The following PEX5L variants were observed in gnomAD, a reference collection of about 807,000 sequenced individuals.
PEX5L encodes PEX5-related protein.
In PEX5L, 30 loss-of-function variants were observed where a neutral mutation model predicts 84.0. The observed-to-expected ratio is 0.36, with a 90% CI of 0.27 to 0.48. The LOEUF is 0.48. Among genes scored for constraint, PEX5L ranks in the 20% least tolerant of loss-of-function variants. The probability of loss-of-function intolerance (pLI) is 0.99; values close to 1 mark genes in which losing one functional copy is unlikely to be tolerated. For synonymous variants in PEX5L, 270 were observed against 283.1 expected, an observed-to-expected ratio of 0.95 and a Z score of 0.46; for missense variants, 533 against 754.6, an observed-to-expected ratio of 0.71 and a Z score of 3.44.
chr3:179,971,786 T>C (rs765823109), intron 1 of PEX5L, 121 bp from the exon 2 acceptor site: 13 of 961,862 alleles, frequency 1.4e-5, no homozygotes, highest in Non-Finnish European at 1.7e-5. Flanking sequence ...GCATCATTCT[T>C]TATATAAATT....
chr3:179,846,599 A>G (rs899968722), intron 8 of PEX5L, among the ~76,000 whole-genome samples: 7 of 152,182 alleles, frequency 4.6e-5, no homozygotes, highest in Admixed American at 3.9e-4. Flanking sequence ...GGTATTTCTG[A>G]ATGAGCCTAG....
intron 8 of PEX5L, among the ~76,000 whole-genome samples, chr3:179,850,114 T>C (rs1324037098): frequency 6.6e-6 from 1 of 152,040 alleles, no homozygotes; most frequent in Non-Finnish European, 1.5e-5. Context: ...TCTAAGACTA[T>C]CTTGCCTTAT....
At chr3:179,868,732 A>G (rs1749246765) in intron 7 of PEX5L, among the ~76,000 whole-genome samples, 1 of 152,088 alleles carries the variant, frequency 6.6e-6, no homozygotes, top group Non-Finnish European at 1.5e-5. Context: ...CAGAGGCTTC[A>G]TCTATATGAT....
At chr3:180,034,475 T>C (rs1450288261) in intron 1 of PEX5L, among the ~76,000 whole-genome samples, 1 of 152,138 alleles carries the variant, frequency 6.6e-6, no homozygotes, top group Admixed American at 6.5e-5. Context: ...ATTTTGTCCA[T>C]AGGCTAAATA....
chr3:179,865,603 A>G (rs1486613617), intron 7 of PEX5L, among the ~76,000 whole-genome samples: 1 of 151,828 alleles, frequency 6.6e-6, no homozygotes, highest in Non-Finnish European at 1.5e-5. Flanking sequence ...TATATTGCTT[A>G]GTACTTACAT....
chr3:179,992,824 A>C (rs554912382), intron 1 of PEX5L, among the ~76,000 whole-genome samples: 2 of 152,184 alleles, frequency 1.3e-5, no homozygotes, highest in Non-Finnish European at 2.9e-5. Flanking sequence ...TTTATGAAGA[A>C]GACTTCATAA....
intron 8 of PEX5L, among the ~76,000 whole-genome samples, chr3:179,851,307 GTCTT>G (rs1462532705): frequency 1.3e-5 from 2 of 152,138 alleles, no homozygotes; most frequent in Non-Finnish European, 2.9e-5. Flanking sequence ...TGAGGGCCTG[GTCTT>G]CATTGAAACT....
chr3:179,956,903 T>C (rs368502266), intron 2 of PEX5L, among the ~76,000 whole-genome samples: 1 of 13,198 alleles, frequency 7.6e-5, no homozygotes, highest in Non-Finnish European at 1.2e-4. Flanking sequence ...ATGTACATGA[T>C]TTTTTTTTGC....
intron 2 of PEX5L, among the ~76,000 whole-genome samples, chr3:179,906,024 T>C (rs1763083581): frequency 6.6e-6 from 1 of 152,210 alleles, no homozygotes; most frequent in Non-Finnish European, 1.5e-5. Context: ...AATTAGACTT[T>C]TAAGGAAATA....
rs554331243 is a variant in PEX5L at position 179,800,468 on chromosome 3, G to A, written c.*1360C>T. 2 of 152,316 alleles carry A rather than the reference G, an allele frequency of 1.3e-5. No homozygotes were observed. Among genetic ancestry groups the A allele is most frequent in the East Asian group, 3.9e-4 (2 of 5,186 alleles). 9.4% of individuals were successfully genotyped at this position (152,316 alleles called of 1,614,324 possible). On this transcript the variant is annotated 3_prime_UTR_variant, in exon 15 of 15. Transcript: ENST00000467460. ...TTCTGATTAGCATTTTGCAAAAAAT[G>A]TTCCTAATTCTTTAAAAAATGTATC...
At chr3:180,011,062 G>A (rs1207668244) in intron 1 of PEX5L, among the ~76,000 whole-genome samples, 2 of 152,102 alleles carry the variant, frequency 1.3e-5, no homozygotes, top group South Asian at 2.1e-4. Context: ...CCCAGATAGC[G>A]AAAGTCTACC....
At chr3:179,912,671 T>G (rs1202812765) in intron 2 of PEX5L, among the ~76,000 whole-genome samples, 1 of 152,106 alleles carries the variant, frequency 6.6e-6, no homozygotes, top group Admixed American at 6.6e-5. Context: ...TTAGAATTGG[T>G]CGAATCTCCA....
chr3:179,995,025 ATACT>A (rs1453411072), intron 1 of PEX5L, among the ~76,000 whole-genome samples: 1 of 150,094 alleles, frequency 6.7e-6, no homozygotes, highest in East Asian at 1.9e-4. Context: ...GTGTGAGTTA[ATACT>A]TAATAAACTC....
At chr3:179,920,836 C>T (rs530520614) in intron 2 of PEX5L, among the ~76,000 whole-genome samples, 1 of 152,052 alleles carries the variant, frequency 6.6e-6, no homozygotes, top group South Asian at 2.1e-4. Context: ...TTTAATTGTA[C>T]CTTGCTACAT....
In PEX5L at chr3:179,929,951, A is replaced by G. The variant is rs185915600; in HGVS notation, c.94-31705T>C. Reference sequence around the variant, plus strand: ...ATATTCCCCTTCCTTTCACACTCCCAATTTTGAAAACAAGGTTTTTATGTC... The same window carrying G: ...ATATTCCCCTTCCTTTCACACTCCCGATTTTGAAAACAAGGTTTTTATGTC... On this transcript the variant is annotated intron_variant, in intron 2 of 14. Transcript: ENST00000467460. 3.5e-3 allele frequency among the ~76,000 whole-genome samples: 530 copies of G among 152,198 alleles called. 1 individual carries two copies. The highest frequency in any genetic ancestry group is 5.0e-3 in the Non-Finnish European group (339 of 68,006).
chr3:179,859,132 C>T lies in PEX5L; in HGVS notation c.752G>A (p.Trp251Ter). Residue 251 changes from tryptophan (W) to a stop codon, truncating the protein, a stop_gained, in exon 8 of 15, where the codon TGG (tryptophan) becomes TAG (stop). Transcript: ENST00000467460. LOFTEE classifies it high-confidence loss of function. ...TQARLTKEHR[W>*]GSALLSRNHS... ...GTTTCTAGAAAGTAATGCGCTTCCC[C>T]AGCGATGTTCTTTGGTCAGTCGAGC... 1 of 1,613,884 alleles carries T rather than the reference C, an allele frequency of 6.2e-7. No individual in the cohort carries two copies. The highest frequency in any genetic ancestry group is 8.5e-7 in the Non-Finnish European group (1 of 1,179,760).
At chr3:179,968,300 G>A (rs1783865019) in intron 2 of PEX5L, among the ~76,000 whole-genome samples, 1 of 152,062 alleles carries the variant, frequency 6.6e-6, no homozygotes, top group African/African-American at 2.4e-5. Flanking sequence ...TTCACTAAAA[G>A]TGGTTAATGT....
chr3:179,874,245 T>G, intron 7 of PEX5L, 82 bp downstream of exon 7: 1 of 805,268 alleles, frequency 1.2e-6, no homozygotes, highest in South Asian at 1.8e-5. Flanking sequence ...TTCAAACTTT[T>G]TGTACAAAAT....
chr3:179,878,052 A>C (rs1753023290), intron 5 of PEX5L, among the ~76,000 whole-genome samples: 1 of 152,158 alleles, frequency 6.6e-6, no homozygotes, highest in East Asian at 1.9e-4. Context: ...TTTCCTACTC[A>C]GTTCTTTTTC....
Sources: allele counts gnomAD v4.1 joint callset (sites outside exome capture counted in the v4.1 genomes callset), GRCh38; gene constraint gnomAD v4.1.1; transcripts MANE v1.5; gene names NCBI Gene and HGNC (gene_info 2026-07-23, HGNC 2026-07-21).